Variants in TRAPPC3L observed in about 807,000 individuals in gnomAD.
The protein encoded by TRAPPC3L is trafficking protein particle complex subunit 3L, also known as trafficking protein particle complex subunit 3-like protein.
TRAPPC3L carries 23 observed loss-of-function variants against 23.7 expected under a neutral mutation model. The observed-to-expected ratio is 0.97, with a 90% CI of 0.70 to 1.37. The LOEUF (loss-of-function observed/expected upper bound fraction) is 1.37. Among genes scored for constraint, TRAPPC3L ranks in the 40% most tolerant of loss-of-function variants. The pLI is 0.00. For synonymous variants in TRAPPC3L, 81 were observed against 77.9 expected (o/e 1.04, Z -0.21); for missense variants, 212 against 216.8 (o/e 0.98, Z 0.14).
chr6:116,528,762 A>T (rs775524653), intron 3 of TRAPPC3L, among the ~76,000 whole-genome samples: 5 of 152,186 alleles, frequency 3.3e-5, no homozygotes, highest in Admixed American at 6.5e-5. Context: ...ACTTCCATGG[A>T]ATTCAATTCC....
At chr6:116,511,883 C>G (rs1772127801) in intron 3 of TRAPPC3L, 1 of 1,614,076 alleles carries the variant, frequency 6.2e-7, no homozygotes, top group South Asian at 1.1e-5. Context: ...CTGGGTGTTA[C>G]TGATCCTGGG....
At chr6:116,516,169 T>G in intron 3 of TRAPPC3L, 1 of 759,422 alleles carries the variant, frequency 1.3e-6, no homozygotes, top group East Asian at 3.0e-5. Context: ...TGTGCTCAAA[T>G]TGATGCTGAG....
chr6:116,499,538 C>T (rs1273511263), intron 4 of TRAPPC3L, among the ~76,000 whole-genome samples: 3 of 152,164 alleles, frequency 2.0e-5, no homozygotes, highest in East Asian at 1.9e-4. Context: ...TAAAATCAGG[C>T]TTCTGTAAAG....
chr6:116,499,412 A>G (rs1771879776), intron 4 of TRAPPC3L, among the ~76,000 whole-genome samples: 1 of 152,208 alleles, frequency 6.6e-6, no homozygotes, highest in African/African-American at 2.4e-5. Context: ...AAGAAATGAA[A>G]TTCCTAAAAC....
At chr6:116,545,068 G>C (rs924775564) in intron 1 of TRAPPC3L, among the ~76,000 whole-genome samples, 2 of 151,110 alleles carry the variant, frequency 1.3e-5, no homozygotes, top group Non-Finnish European at 2.9e-5. Flanking sequence ...GACCTATTTC[G>C]ATTCAGTTTT....
In TRAPPC3L at chr6:116,526,741, C is replaced by T. The variant is rs1435531926; in HGVS notation, c.240+13622G>A. Among the ~76,000 whole-genome samples, 4 of 152,060 alleles carry T rather than the reference C, an allele frequency of 2.6e-5. No individual in the cohort carries two copies. In the East Asian group the frequency reaches 5.8e-4, roughly 22 times the overall value. ...AATCCTTAGACCCAGACAGATCTTG[C>T]TTTAGAGTTTTGTTTCCCAGGGTAT... On this transcript the variant is annotated intron_variant, in intron 3 of 4. Transcript: ENST00000368602.
chr6:116,509,399 G>A (rs907035569), intron 3 of TRAPPC3L, among the ~76,000 whole-genome samples: 8 of 152,048 alleles, frequency 5.3e-5, no homozygotes, highest in Admixed American at 5.2e-4. Context: ...GCAATACTAA[G>A]TAAAAAGAAT....
chr6:116,540,757 C>A (rs955257758), intron 2 of TRAPPC3L, among the ~76,000 whole-genome samples: 2 of 152,130 alleles, frequency 1.3e-5, no homozygotes, highest in African/African-American at 4.8e-5. Context: ...AGGCTGGTTT[C>A]TGTAGCCTAA....
chr6:116,542,610 A>G (rs1232671119), intron 2 of TRAPPC3L, among the ~76,000 whole-genome samples: 2 of 152,098 alleles, frequency 1.3e-5, no homozygotes, highest in African/African-American at 2.4e-5. Flanking sequence ...ATTGTTTGGC[A>G]ATCATCTGAT....
chr6:116,508,263 T>C (rs1458954271), intron 3 of TRAPPC3L, among the ~76,000 whole-genome samples: 4 of 152,182 alleles, frequency 2.6e-5, no homozygotes, highest in Non-Finnish European at 5.9e-5. Flanking sequence ...GCAAGACAAA[T>C]TATAGAATGG....
At chr6:116,516,662 TATATATATATATATATA>T (rs1165266531) in intron 3 of TRAPPC3L, 3 of 1,452 alleles carry the variant, frequency 2.1e-3, no homozygotes, top group Non-Finnish European at 4.6e-3. Context: ...TAGTAACAAA[TATATATATATATATATA>T]TATATATATA....
chr6:116,516,019 G>T, intron 3 of TRAPPC3L: 1 of 1,550,554 alleles, frequency 6.4e-7, no homozygotes, highest in South Asian at 1.2e-5. Flanking sequence ...TCATGGTGTT[G>T]AGTGGCATGC....
rs1028233843 is a variant in TRAPPC3L at position 116,496,566 on chromosome 6, T to C, written c.*388A>G. 2.9e-5 allele frequency: 5 copies of C among 170,614 alleles called. No homozygotes were observed. In the East Asian group the frequency reaches 7.4e-4, roughly 25 times the overall value. The allele number at this position is 170,614 out of a possible 1,614,324, so 10.6% of individuals were successfully genotyped here. On this transcript the variant is annotated 3_prime_UTR_variant, in exon 5 of 5. Transcript: ENST00000368602. Reference sequence around the variant, plus strand: ...TACTGTCTATATATAGGAAACTCTATGCTATATCATTTCATTCTTTTTTTT... The same window carrying C: ...TACTGTCTATATATAGGAAACTCTACGCTATATCATTTCATTCTTTTTTTT...
chr6:116,529,070 C>G (rs767990068), intron 3 of TRAPPC3L: 2 of 152,362 alleles, frequency 1.3e-5, no homozygotes, highest in Non-Finnish European at 2.9e-5. Flanking sequence ...TCTCTCTGAC[C>G]GGGTCTCCTG....
chr6:116,543,177 G>C (rs1221915131), intron 2 of TRAPPC3L, 126 bp downstream of exon 2: 2 of 653,210 alleles, frequency 3.1e-6, no homozygotes, highest in African/African-American at 3.8e-5. Flanking sequence ...TCAGCTTTCA[G>C]ATGTGATTAA....
rs1346734647 is a variant in TRAPPC3L, at chr6:116,528,327, C to A, written c.240+12036G>T. 3.3e-5 allele frequency among the ~76,000 whole-genome samples: 5 copies of A among 152,172 alleles called. No individual in the cohort carries two copies. In the East Asian group the frequency reaches 9.6e-4, roughly 29 times the overall value. ...AATCCACAAAGCTTGTGGCTGTACACATATGCTTTTCCACAAAAGAAAATT... is the reference window on the plus strand; with the variant it reads ...AATCCACAAAGCTTGTGGCTGTACAAATATGCTTTTCCACAAAAGAAAATT... On this transcript the variant is annotated intron_variant, in intron 3 of 4. Transcript: ENST00000368602.
At chr6:116,511,551 A>G (rs1347969206) in intron 3 of TRAPPC3L, 1 of 716,266 alleles carries the variant, frequency 1.4e-6, no homozygotes, top group Non-Finnish European at 2.3e-6. Context: ...TTCATTCCTA[A>G]GGAATGACAT....
At chr6:116,528,063 A>G (rs1772500793) in intron 3 of TRAPPC3L, among the ~76,000 whole-genome samples, 1 of 152,268 alleles carries the variant, frequency 6.6e-6, no homozygotes, top group African/African-American at 2.4e-5. Flanking sequence ...ACAAAAATGG[A>G]AGATGGACAT....
chr6:116,515,780 A>G (rs745401349), intron 3 of TRAPPC3L: 1 of 1,614,008 alleles, frequency 6.2e-7, no homozygotes, highest in Non-Finnish European at 8.5e-7. Flanking sequence ...GAGCGAGAGG[A>G]ACCTGAAATG....
Sources: gnomAD v4.1 joint callset for allele counts (sites outside exome capture counted in the v4.1 genomes callset) on GRCh38, gnomAD v4.1.1 for gene constraint, MANE v1.5 for transcripts, NCBI Gene and HGNC (gene_info 2026-07-23, HGNC 2026-07-21) for gene names.